ST8SIA5: variants seen among roughly 807,000 people sequenced by gnomAD.
The protein encoded by ST8SIA5 is alpha-2,8-sialyltransferase 8E.
Under a neutral mutation model 40.2 loss-of-function variants are expected in ST8SIA5, and 24 were observed. That is an observed-to-expected ratio of 0.60 (90% CI 0.43 to 0.84). The LOEUF is 0.84. ST8SIA5 is among the 40% of genes least tolerant of loss of function. ST8SIA5 has a pLI of 0.00. For synonymous variants in ST8SIA5, 198 were observed against 201.8 expected (o/e 0.98, Z 0.16); for missense variants, 465 against 498.5 (o/e 0.93, Z 0.64).
At chr18:46,748,958 T>G (rs1353721358) in intron 1 of ST8SIA5, among the ~76,000 whole-genome samples, 1 of 152,154 alleles carries the variant, frequency 6.6e-6, no homozygotes, top group Non-Finnish European at 1.5e-5. Context: ...ACAACTCAAA[T>G]GTCTATGAGT....
intron 2 of ST8SIA5, among the ~76,000 whole-genome samples, chr18:46,697,076 T>A (rs1016152517): frequency 2.0e-5 from 3 of 146,982 alleles, no homozygotes; most frequent in Admixed American, 7.0e-5. Flanking sequence ...ATGCTTAATG[T>A]CCAGCAGAGG....
chr18:46,728,334 G>T (rs2039952203), intron 1 of ST8SIA5, among the ~76,000 whole-genome samples: 1 of 152,230 alleles, frequency 6.6e-6, no homozygotes, highest in Admixed American at 6.5e-5. Context: ...GCAATTTTGT[G>T]GGGGACACAG....
intron 1 of ST8SIA5, among the ~76,000 whole-genome samples, chr18:46,709,135 C>T (rs914271714): frequency 6.6e-6 from 1 of 152,214 alleles, no homozygotes; most frequent in African/African-American, 2.4e-5. Flanking sequence ...ATCCCCAATA[C>T]AAACATTAAG....
intron 1 of ST8SIA5, among the ~76,000 whole-genome samples, chr18:46,718,560 G>T (rs1040819886): frequency 2.0e-5 from 3 of 152,086 alleles, no homozygotes; most frequent in Non-Finnish European, 4.4e-5. Context: ...GCTTGAATTT[G>T]CTTTGTAGTG....
rs990392307 is a variant in ST8SIA5 at position 46,686,432 on chromosome 18, C to T, written c.457-146G>A. The T allele has an allele frequency of 8.9e-6, 6 of 674,020 alleles. No individual in the cohort carries two copies. In the African/African-American group the frequency reaches 1.1e-4, roughly 12 times the overall value. 41.8% of individuals were successfully genotyped at this position (674,020 alleles called of 1,614,324 possible). On this transcript the variant is annotated intron_variant, in intron 4 of 6. Coordinates refer to ENST00000315087, the MANE Select transcript of ST8SIA5 (RefSeq NM_013305.6). ...GGAATGTGGGAGGAAAGCGGCTTTC[C>T]ACTTTACAGATGGGAAGAGTGGTTG...
chr18:46,718,287 A>T (rs1210996003), intron 1 of ST8SIA5, among the ~76,000 whole-genome samples: 3 of 148,968 alleles, frequency 2.0e-5, no homozygotes, highest in African/African-American at 7.4e-5. Flanking sequence ...TCAAGATTGC[A>T]TCACTGCACT....
intron 1 of ST8SIA5, among the ~76,000 whole-genome samples, chr18:46,728,193 C>CA (rs533087232): frequency 0.047 from 4,085 of 86,034 alleles, 56 homozygotes; most frequent in African/African-American, 0.077. Context: ...GACTCCATCT[C>CA]AAAAAAAAAA....
At position 46,718,667 on chromosome 18, in the gene ST8SIA5, C is replaced by T. The variant is rs183896980; in HGVS notation, c.132-14003G>A. Among the ~76,000 whole-genome samples the T allele has an allele frequency of 7.1e-3, 1,082 of 152,112 alleles. 4 individuals carry two copies. The highest frequency in any genetic ancestry group is 0.012 in the Non-Finnish European group (789 of 68,000). ...AATGTATGAGTCATTTGCTTCTTTG[C>T]CCCTCTTCATCCTCTGGTTATATTT... On this transcript the variant is annotated intron_variant, in intron 1 of 6. Transcript: ENST00000315087.
At chr18:46,720,910 G>A (rs192108318) in intron 1 of ST8SIA5, among the ~76,000 whole-genome samples, 1 of 152,302 alleles carries the variant, frequency 6.6e-6, no homozygotes, top group African/African-American at 2.4e-5. Flanking sequence ...CTCCAGCCAA[G>A]GGCAACCTCC....
At chr18:46,696,574 A>G (rs572943595) in intron 2 of ST8SIA5, among the ~76,000 whole-genome samples, 1 of 152,306 alleles carries the variant, frequency 6.6e-6, no homozygotes, top group South Asian at 2.1e-4. Context: ...AAGTCATTTA[A>G]TCTCTCTGAG....
rs116237154 is a variant in ST8SIA5, at chr18:46,741,481, C to T, written c.131+14897G>A. 8.4e-3 allele frequency among the ~76,000 whole-genome samples: 1,282 copies of T among 152,230 alleles called. 22 individuals carry two copies. Among genetic ancestry groups the T allele is most frequent in the African/African-American group, 0.03 (1,226 of 41,550 alleles). On this transcript the variant is annotated intron_variant, in intron 1 of 6. Coordinates refer to ENST00000315087, the MANE Select transcript of ST8SIA5 (RefSeq NM_013305.6). ...TTAAAGAATAGATGAATCTCAAAAA[C>T]GTGCATAAGTCATTACAGAGAATAA...
chr18:46,746,842 A>G (rs2040145474), intron 1 of ST8SIA5, among the ~76,000 whole-genome samples: 1 of 152,222 alleles, frequency 6.6e-6, no homozygotes, highest in Non-Finnish European at 1.5e-5. Context: ...ACAGTAACCA[A>G]AACAGCATAG....
chr18:46,704,083 C>T (rs534174341), intron 2 of ST8SIA5, among the ~76,000 whole-genome samples: 16 of 152,260 alleles, frequency 1.1e-4, no homozygotes, highest in African/African-American at 3.9e-4. Context: ...GGGGAGAACT[C>T]GGTGGCTCTT....
chr18:46,721,326 T>C, intron 1 of ST8SIA5: 3 of 1,528,810 alleles, frequency 2.0e-6, no homozygotes, highest in Non-Finnish European at 1.8e-6. Flanking sequence ...CGGGTTGAGC[T>C]TCCCCCACTC....
At position 46,688,918 on chromosome 18, in the gene ST8SIA5, A is replaced by T; in HGVS notation, c.313T>A (p.Ser105Thr). 6.2e-7 allele frequency: 1 copy of T among 1,607,668 alleles called. No homozygotes were observed. Residue 105 changes from serine (S) to threonine (T), a missense_variant and splice_region_variant, in exon 4 of 7, where the codon TCT (serine) becomes ACT (threonine). Ser to Thr is a moderately conservative substitution (Grantham distance 58, BLOSUM62 1). Transcript: ENST00000315087. Reference protein sequence around the residue: ...MNISEANQFKSTLSRCCNAPA... With the variant: ...MNISEANQFKTTLSRCCNAPA... ...GCGTTGCAGCACCTGGACAGAGTAG[A>T]CCTGCCAGGCAGGGAGACAGGCAGG...
intron 2 of ST8SIA5, among the ~76,000 whole-genome samples, chr18:46,699,147 G>A (rs1225411588): frequency 2.6e-5 from 4 of 152,340 alleles, no homozygotes; most frequent in East Asian, 1.9e-4. Context: ...TGACAGAAGC[G>A]ATAGGCTGGA....
chr18:46,692,798 T>C (rs1197917979), intron 2 of ST8SIA5, among the ~76,000 whole-genome samples: 1 of 151,998 alleles, frequency 6.6e-6, no homozygotes, highest in Non-Finnish European at 1.5e-5. Flanking sequence ...GTGCCTTTCA[T>C]GTGCAAACCA....
chr18:46,746,370 C>G (rs971997050), intron 1 of ST8SIA5, among the ~76,000 whole-genome samples: 1 of 152,174 alleles, frequency 6.6e-6, no homozygotes, highest in Non-Finnish European at 1.5e-5. Flanking sequence ...TCAGCAAAGT[C>G]TCAGGATACA....
intron 6 of ST8SIA5, among the ~76,000 whole-genome samples, chr18:46,681,160 A>G (rs2039391598): frequency 6.6e-6 from 1 of 151,438 alleles, no homozygotes; most frequent in African/African-American, 2.4e-5. Context: ...AATTTTTTGT[A>G]GAGACCAGGG....
Sources: allele counts gnomAD v4.1 joint callset (sites outside exome capture counted in the v4.1 genomes callset), GRCh38; gene constraint gnomAD v4.1.1; transcripts MANE v1.5; gene names NCBI Gene and HGNC (gene_info 2026-07-23, HGNC 2026-07-21).